ZKSCAN1: variants seen among roughly 807,000 people sequenced by gnomAD.
ZKSCAN1 encodes zinc finger protein with KRAB and SCAN domains 1.
In ZKSCAN1, 14 loss-of-function variants were observed where a neutral mutation model predicts 51.6. The observed-to-expected ratio is 0.27, with a 90% CI of 0.18 to 0.42. The LOEUF (loss-of-function observed/expected upper bound fraction) is 0.42. ZKSCAN1 is among the 10% of genes least tolerant of loss of function. The pLI, the probability that ZKSCAN1 is intolerant of heterozygous loss-of-function variation, is 1.00. For synonymous variants in ZKSCAN1, 263 were observed against 261.5 expected (o/e 1.01, Z -0.06); for missense variants, 531 against 710.0 (o/e 0.75, Z 2.86).
At position 100,039,489 on chromosome 7, in the gene ZKSCAN1, C is replaced by G; in HGVS notation, c.*5292C>G. On this transcript the variant is annotated 3_prime_UTR_variant, in exon 6 of 6. Coordinates refer to ENST00000324306, the MANE Select transcript of ZKSCAN1 (RefSeq NM_003439.4). The stretch of plus-strand genomic sequence containing the variant: ...TGGCTGTGTTCCTGTGTTCCCTGCT[C>G]CCACTTTTCTTCCCCTGGTTTGTGA... 1.0e-6 allele frequency: 1 copy of G among 985,352 alleles called. No individual in the cohort carries two copies. Among genetic ancestry groups the G allele is most frequent in the Non-Finnish European group, 1.2e-6 (1 of 829,910 alleles). 61.0% of individuals were successfully genotyped at this position (985,352 alleles called of 1,614,324 possible). A position where few individuals can be genotyped will look rare whatever the true frequency, so the allele number is the denominator to read the frequency against.
chr7:100,022,457 CTAAG>C (rs888423040), intron 1 of ZKSCAN1, among the ~76,000 whole-genome samples: 4 of 152,382 alleles, frequency 2.6e-5, no homozygotes, highest in African/African-American at 9.6e-5. Flanking sequence ...TCAGCACAGA[CTAAG>C]TAAGTGTATT....
chr7:100,036,119 G>C lies in ZKSCAN1; in HGVS notation c.*1922G>C. 1.0e-6 allele frequency: 1 copy of C among 985,366 alleles called. No individual in the cohort carries two copies. The highest frequency in any genetic ancestry group is 1.2e-6 in the Non-Finnish European group (1 of 829,922). The allele number at this position is 985,366 out of a possible 1,614,324, so 61.0% of individuals were successfully genotyped here. On this transcript the variant is annotated 3_prime_UTR_variant, in exon 6 of 6. Transcript: ENST00000324306. ...TTTATATGGAACCAACGAAGTGGGA[G>C]CTAAAACTGCACAGTGGTCATTCTT...
chr7:100,030,402 G>T, intron 5 of ZKSCAN1, 27 bp downstream of exon 5: 1 of 1,603,690 alleles, frequency 6.2e-7, no homozygotes, highest in African/African-American at 1.3e-5. Context: ...CTTACTGTCT[G>T]ATAAGATGGT....
At position 100,037,012 on chromosome 7, in the gene ZKSCAN1, C is replaced by T; in HGVS notation, c.*2815C>T. ...CTAGGGTTGCTTCGATCTTCAGCCA[C>T]ATGCTGTCCTTGAAGCAGCTATTTG... On this transcript the variant is annotated 3_prime_UTR_variant, in exon 6 of 6. Transcript: ENST00000324306. 1 of 985,400 alleles carries T rather than the reference C, an allele frequency of 1.0e-6. No individual in the cohort carries two copies. Among genetic ancestry groups the T allele is most frequent in the Non-Finnish European group, 1.2e-6 (1 of 829,906 alleles). The allele number at this position is 985,400 out of a possible 1,614,324, so 61.0% of individuals were successfully genotyped here.
downstream of ZKSCAN1, among the ~76,000 whole-genome samples, chr7:100,044,146 G>C (rs573701200): frequency 6.6e-6 from 1 of 152,100 alleles, no homozygotes; most frequent in South Asian, 2.1e-4. Context: ...GGCGATGTCT[G>C]ATCAGCCTGG....
Position 100,034,414 on chromosome 7 carries a change from A to G in ZKSCAN1, c.*217A>G. The G allele has an allele frequency of 2.3e-6, 3 of 1,290,136 alleles. No individual in the cohort carries two copies. Among genetic ancestry groups the G allele is most frequent in the Non-Finnish European group, 2.9e-6 (3 of 1,022,966 alleles). 79.9% of individuals were successfully genotyped at this position (1,290,136 alleles called of 1,614,324 possible). A position where few individuals can be genotyped will look rare whatever the true frequency, so the allele number is the denominator to read the frequency against. On this transcript the variant is annotated 3_prime_UTR_variant, in exon 6 of 6. Transcript: ENST00000324306. ...GCCCCTGCAGGGAAAGGCTAATCTT[A>G]CGGATAATCCACGTGAGATTTCCAC...
At chr7:100,027,747 C>CA (rs1199868325) in intron 3 of ZKSCAN1, among the ~76,000 whole-genome samples, 1,045 of 68,236 alleles carry the variant, frequency 0.015, 6 homozygotes, top group East Asian at 0.073. Flanking sequence ...GATGCTGTCT[C>CA]AAAAAAAAAA....
At chr7:100,045,158 G>A (rs1211285610), downstream of ZKSCAN1, among the ~76,000 whole-genome samples, 2 of 152,080 alleles carry the variant, frequency 1.3e-5, no homozygotes, top group East Asian at 1.9e-4. Context: ...ATCTGATCCC[G>A]CTACTTGGGA....
rs180963373 is a variant in ZKSCAN1 at position 100,040,239 on chromosome 7, G to A, written c.*6042G>A. 4.3e-4 allele frequency: 426 copies of A among 985,246 alleles called. 5 individuals carry two copies. The African/African-American group carries it at 6.9e-3, about 16-fold the overall frequency. The allele number at this position is 985,246 out of a possible 1,614,324, so 61.0% of individuals were successfully genotyped here. On this transcript the variant is annotated 3_prime_UTR_variant, in exon 6 of 6. Transcript: ENST00000324306. ...ATGATGTGTGGTTCCATTTAATAGCGGACACCACCCCAATCTCATGTTTTC... is the reference window on the plus strand; with the variant it reads ...ATGATGTGTGGTTCCATTTAATAGCAGACACCACCCCAATCTCATGTTTTC...
At chr7:100,031,529 T>TC (rs1239006516) in intron 5 of ZKSCAN1, among the ~76,000 whole-genome samples, 1 of 152,148 alleles carries the variant, frequency 6.6e-6, no homozygotes, top group Non-Finnish European at 1.5e-5. Flanking sequence ...TCCACCTGTC[T>TC]CCACTTCCTG....
chr7:100,025,303 C>T lies in ZKSCAN1; in HGVS notation c.580+996C>T, dbSNP rs115644870. Among the ~76,000 whole-genome samples, 430 of 130,096 alleles carry T rather than the reference C, an allele frequency of 3.3e-3. 4 individuals are homozygous for T. Among genetic ancestry groups the T allele is most frequent in the African/African-American group, 0.012 (417 of 34,620 alleles). 85.3% of individuals were successfully genotyped at this position (130,096 alleles called of 152,430 possible). On this transcript the variant is annotated intron_variant, in intron 3 of 5. Coordinates refer to ENST00000324306, the MANE Select transcript of ZKSCAN1 (RefSeq NM_003439.4). ...AATCACTGCACTGCAGCCTGGGTGA[C>T]AGAGAGTCTGTTTCCAAAAAAAAAA...
rs1386136873 is a variant in ZKSCAN1 at position 100,015,674 on chromosome 7, G to A, written c.-141G>A. The A allele has an allele frequency of 6.6e-6, 1 of 152,334 alleles. No homozygotes were observed. The highest frequency in any genetic ancestry group is 1.5e-5 in the Non-Finnish European group (1 of 68,176). The allele number at this position is 152,334 out of a possible 1,614,324, so 9.4% of individuals were successfully genotyped here. On this transcript the variant is annotated 5_prime_UTR_variant, in exon 1 of 6. Coordinates refer to ENST00000324306, the MANE Select transcript of ZKSCAN1 (RefSeq NM_003439.4). Reference sequence around the variant, plus strand: ...TGCCCTTCGGCCGGCCTGAGCCCCAGAGTCAGCTCCCCTTTCTCGCCCAGC... The same window carrying A: ...TGCCCTTCGGCCGGCCTGAGCCCCAAAGTCAGCTCCCCTTTCTCGCCCAGC...
intron 5 of ZKSCAN1, among the ~76,000 whole-genome samples, chr7:100,032,749 C>T (rs868221844): frequency 6.6e-6 from 1 of 151,962 alleles, no homozygotes; most frequent in African/African-American, 2.4e-5. Context: ...TGGCTCACGC[C>T]TGTAATCCCA....
chr7:100,037,448 C>A lies in ZKSCAN1; in HGVS notation c.*3251C>A. The A allele has an allele frequency of 1.0e-6, 1 of 985,354 alleles. No homozygotes were observed. 61.0% of individuals were successfully genotyped at this position (985,354 alleles called of 1,614,324 possible). On this transcript the variant is annotated 3_prime_UTR_variant, in exon 6 of 6. Coordinates refer to ENST00000324306, the MANE Select transcript of ZKSCAN1 (RefSeq NM_003439.4). Reference sequence around the variant, plus strand: ...TATTAAAGGCATAAAAGTGAAACTGCTAAATATGTATAGAGAGGTTGACGT... The same window carrying A: ...TATTAAAGGCATAAAAGTGAAACTGATAAATATGTATAGAGAGGTTGACGT...
chr7:100,040,298 G>GT lies in ZKSCAN1; in HGVS notation c.*6104dup, dbSNP rs1401413726. On this transcript the variant is annotated 3_prime_UTR_variant, in exon 6 of 6. Transcript: ENST00000324306. Reference sequence around the variant, plus strand: ...CTAAAACAGTGGAAGGAAACTGGGTGTTTGGTAGACTTCTAAATCATGGTC... The same window carrying GT: ...CTAAAACAGTGGAAGGAAACTGGGTGTTTTGGTAGACTTCTAAATCATGGTC... 1.0e-6 allele frequency: 1 copy of GT among 985,316 alleles called. No homozygotes were observed. The highest frequency in any genetic ancestry group is 1.7e-5 in the African/African-American group (1 of 57,240). 61.0% of individuals were successfully genotyped at this position (985,316 alleles called of 1,614,324 possible). A position where few individuals can be genotyped will look rare whatever the true frequency, so the allele number is the denominator to read the frequency against.
chr7:100,024,514 A>C (rs1002999051), intron 3 of ZKSCAN1: 33 of 615,010 alleles, frequency 5.4e-5, no homozygotes, highest in Non-Finnish European at 8.1e-5. Context: ...GGATTGCTTG[A>C]GCCCAGGAGG....
intron 3 of ZKSCAN1, among the ~76,000 whole-genome samples, 160 bp from the exon 4 acceptor site, chr7:100,029,701 G>C (rs1791017746): frequency 6.6e-6 from 1 of 152,130 alleles, no homozygotes; most frequent in Admixed American, 6.5e-5. Context: ...GAAAACTGAG[G>C]CCCTGTGTTC....
intron 1 of ZKSCAN1, among the ~76,000 whole-genome samples, chr7:100,021,876 C>A (rs1198619139): frequency 6.6e-6 from 1 of 151,872 alleles, no homozygotes; most frequent in East Asian, 1.9e-4. Context: ...TCCTGAGTAG[C>A]TGTGACTGCA....
At chr7:100,026,162 G>A (rs1790824926) in intron 3 of ZKSCAN1, among the ~76,000 whole-genome samples, 1 of 150,616 alleles carries the variant, frequency 6.6e-6, no homozygotes, top group African/African-American at 2.5e-5. Flanking sequence ...AGAGGTTGCG[G>A]TGAGCCAAAA....
Sources: gnomAD v4.1 joint callset for allele counts (sites outside exome capture counted in the v4.1 genomes callset) on GRCh38, gnomAD v4.1.1 for gene constraint, MANE v1.5 for transcripts, NCBI Gene and HGNC (gene_info 2026-07-23, HGNC 2026-07-21) for gene names.